SPIB: variants seen among roughly 807,000 people sequenced by gnomAD.
SPIB encodes the protein Spi-B transcription factor, also known as transcription factor Spi-B.
A neutral mutation model predicts 31.9 loss-of-function variants in SPIB; 7 were observed. The observed-to-expected ratio is 0.22, with a 90% CI of 0.12 to 0.41. SPIB has a LOEUF of 0.41. Ranked by LOEUF, SPIB falls within the 10% of genes least tolerant of loss-of-function variation. SPIB has a pLI of 1.00. For missense variants in SPIB, 327 were observed against 360.2 expected (o/e 0.91, Z 0.75); for synonymous variants, 176 against 158.9 (o/e 1.11, Z -0.81).
At chr19:50,419,167 C>T (rs916312623) in intron 1 of SPIB, among the ~76,000 whole-genome samples, 182 bp downstream of exon 1, 5 of 152,172 alleles carry the variant, frequency 3.3e-5, no homozygotes, top group African/African-American at 1.2e-4. Flanking sequence ...GACTCTCCAT[C>T]CCCCCAGTTC....
At chr19:50,424,845 G>C (rs1366914494) in intron 5 of SPIB, among the ~76,000 whole-genome samples, 1 of 151,348 alleles carries the variant, frequency 6.6e-6, no homozygotes, top group African/African-American at 2.4e-5. Context: ...TGTAATCCCA[G>C]CTACTCAGGA....
intron 2 of SPIB, 85 bp downstream of exon 2, chr19:50,420,058 C>A: frequency 8.4e-7 from 1 of 1,194,808 alleles, no homozygotes; most frequent in Non-Finnish European, 1.1e-6. Flanking sequence ...CCTCAGTTTC[C>A]CCTCCCACCT....
chr19:50,423,204 C>CAAAAAA (rs59236153), intron 4 of SPIB, 167 bp downstream of exon 4: 11 of 285,218 alleles, frequency 3.9e-5, no homozygotes, highest in Admixed American at 2.4e-4. Flanking sequence ...GACCCTGTCT[C>CAAAAAA]AAAAAAAAAA....
intron 5 of SPIB, among the ~76,000 whole-genome samples, chr19:50,424,651 T>G (rs1432510452): frequency 6.6e-6 from 1 of 151,966 alleles, no homozygotes; most frequent in African/African-American, 2.4e-5. Context: ...CGTGGTGGTG[T>G]GCACCTGTAG....
Position 50,427,949 on chromosome 19 carries a change from G to A in SPIB, c.491-89G>A, listed in dbSNP as rs752575800. 3.5e-4 allele frequency: 481 copies of A among 1,388,774 alleles called. 1 individual carries two copies. Among genetic ancestry groups the A allele is most frequent in the Middle Eastern group, 2.6e-3 (10 of 3,786 alleles). The allele number at this position is 1,388,774 out of a possible 1,614,324, so 86.0% of individuals were successfully genotyped here. A position where few individuals can be genotyped will look rare whatever the true frequency, so the allele number is the denominator to read the frequency against. ...CACTTTTCAGATCCAGGAGATGGAG[G>A]CCGGGGTGGAAGTCTCGGAGGAGGG... is the stretch of plus-strand genomic sequence containing the variant. On this transcript the variant is annotated intron_variant, in intron 5 of 5. Transcript: ENST00000595883.
rs551246670 is a variant in SPIB at position 50,427,545 on chromosome 19, G to A, written c.491-493G>A. Among the ~76,000 whole-genome samples the A allele has an allele frequency of 2.9e-3, 436 of 152,218 alleles. 2 individuals carry two copies. Among genetic ancestry groups the A allele is most frequent in the Non-Finnish European group, 5.2e-3 (354 of 67,998 alleles). On this transcript the variant is annotated intron_variant, in intron 5 of 5. Coordinates refer to ENST00000595883, the MANE Select transcript of SPIB (RefSeq NM_003121.5). ...GTCTCAAAAACAAACTAAACCCTAGGAGCCCAGGAGTCAGGTGCCCTGGCC... is the reference window on the plus strand; with the variant it reads ...GTCTCAAAAACAAACTAAACCCTAGAAGCCCAGGAGTCAGGTGCCCTGGCC...
At chr19:50,425,265 A>C in intron 5 of SPIB, among the ~76,000 whole-genome samples, 1 of 152,070 alleles carries the variant, frequency 6.6e-6, no homozygotes, top group East Asian at 2.0e-4. Context: ...TCGGCCTCAC[A>C]AAGTGCTGGG....
At position 50,423,503 on chromosome 19, in the gene SPIB, G is replaced by A. The variant is rs1457784738; in HGVS notation, c.340-102G>A. 2.7e-6 allele frequency: 4 copies of A among 1,486,916 alleles called. No individual in the cohort carries two copies. The East Asian group carries it at 9.1e-5, about 34-fold the overall frequency. The allele number at this position is 1,486,916 out of a possible 1,614,324, so 92.1% of individuals were successfully genotyped here. ...GGCCAAAATCTAGGCTGTCAACAAA[G>A]AGGGAGACCAGAGCCAGGAGGGCCA... On this transcript the variant is annotated intron_variant, in intron 4 of 5. Coordinates refer to ENST00000595883, the MANE Select transcript of SPIB (RefSeq NM_003121.5).
At chr19:50,426,182 CT>C (rs1286609739) in intron 5 of SPIB, among the ~76,000 whole-genome samples, 8 of 152,096 alleles carry the variant, frequency 5.3e-5, no homozygotes, top group Admixed American at 5.2e-4. Flanking sequence ...GCACTCCAGC[CT>C]GGGCAACAGA....
At chr19:50,422,738 C>A in intron 3 of SPIB, 85 bp from the exon 4 acceptor site, 1 of 1,104,538 alleles carries the variant, frequency 9.1e-7, no homozygotes, top group Non-Finnish European at 1.3e-6. Context: ...GCACAGCCTA[C>A]AATGGCCTCT....
chr19:50,422,475 C>T lies in SPIB; in HGVS notation c.54C>T (p.Tyr18=). ...TTCCCTCCTGCACCCCGTATCAGTA[C>T]CCAGATGGCGTCTTCTATGACCTGG... ...QLDGPHFSCL[Y]PDGVFYDLDS... Residue 18 remains tyrosine (Y), a splice_region_variant and synonymous_variant, in exon 3 of 6, where the codon TAC becomes TAT. Coordinates refer to ENST00000595883, the MANE Select transcript of SPIB (RefSeq NM_003121.5). 1 of 1,613,954 alleles carries T rather than the reference C, an allele frequency of 6.2e-7. No individual in the cohort carries two copies. The highest frequency in any genetic ancestry group is 8.5e-7 in the Non-Finnish European group (1 of 1,179,888).
chr19:50,419,990 G>C lies in SPIB; in HGVS notation c.51+17G>C, dbSNP rs2122539997. The C allele has an allele frequency of 2.1e-6, 3 of 1,460,216 alleles. No homozygotes were observed. Among genetic ancestry groups the C allele is most frequent in the Non-Finnish European group, 2.7e-6 (3 of 1,109,534 alleles). 90.5% of individuals were successfully genotyped at this position (1,460,216 alleles called of 1,614,324 possible). On this transcript the variant is annotated intron_variant, in intron 2 of 5. Coordinates refer to ENST00000595883, the MANE Select transcript of SPIB (RefSeq NM_003121.5). Reference sequence around the variant, plus strand: ...AGCTGTCTGGTGAGTTGGGGCCCCTGGGGGCCAGGGAGGGGTGGCCCACAG... The same window carrying C: ...AGCTGTCTGGTGAGTTGGGGCCCCTCGGGGCCAGGGAGGGGTGGCCCACAG...
rs1413657593 is a variant in SPIB, at chr19:50,423,097, T to C, written c.339+60T>C. On this transcript the variant is annotated intron_variant, in intron 4 of 5. Coordinates refer to ENST00000595883, the MANE Select transcript of SPIB (RefSeq NM_003121.5). The stretch of plus-strand genomic sequence containing the variant: ...AACCAGGTGTGGTGGTGCACGCCTG[T>C]AATCCCAGCTGCTTGAGAGGCTGAG... 3 of 821,346 alleles carry C rather than the reference T, an allele frequency of 3.7e-6. No homozygotes were observed. In the East Asian group the frequency reaches 7.7e-5, roughly 21 times the overall value. The allele number at this position is 821,346 out of a possible 1,614,324, so 50.9% of individuals were successfully genotyped here.
At chr19:50,423,203 T>TC (rs1555794630) in intron 4 of SPIB, 166 bp downstream of exon 4, 2 of 225,690 alleles carry the variant, frequency 8.9e-6, no homozygotes, top group Non-Finnish European at 1.6e-5. Context: ...AGACCCTGTC[T>TC]CAAAAAAAAA....
chr19:50,428,428 A>C lies in SPIB; in HGVS notation c.*92A>C. The C allele has an allele frequency of 7.4e-7, 1 of 1,351,364 alleles. No homozygotes were observed. The highest frequency in any genetic ancestry group is 1.5e-5 in the South Asian group (1 of 66,804). The allele number at this position is 1,351,364 out of a possible 1,614,324, so 83.7% of individuals were successfully genotyped here. On this transcript the variant is annotated 3_prime_UTR_variant, in exon 6 of 6. Coordinates refer to ENST00000595883, the MANE Select transcript of SPIB (RefSeq NM_003121.5). This position sits in a 1 kb window ranked among gnomAD's most constrained non-coding sequence, Gnocchi z 6.5. ...AAGAAAAAGGGCGTCCCCACACTCT[A>C]GGTGATAGGACTTACGCATCCCCAC... is the stretch of plus-strand genomic sequence containing the variant.
At chr19:50,425,537 C>G (rs1406339711) in intron 5 of SPIB, among the ~76,000 whole-genome samples, 1 of 151,766 alleles carries the variant, frequency 6.6e-6, no homozygotes, top group African/African-American at 2.4e-5. Context: ...AACTCCTGGG[C>G]TCAATCGATC....
At position 50,422,992 on chromosome 19, in the gene SPIB, G is replaced by C. The variant is rs147079328; in HGVS notation, c.294G>C (p.Pro98=). The change falls in exon 4 of 6, where the codon CCG becomes CCC. Residue 98 remains proline, a synonymous_variant. Transcript: ENST00000595883. ...NLELAPSLEA[P]GPGLPAYPTE... The stretch of plus-strand genomic sequence containing the variant: ...AACTGGCCCCCAGCCTGGAGGCCCC[G>C]GGGCCTGGCCTCCCTGCATACCCCA... 2 of 1,562,034 alleles carry C rather than the reference G, an allele frequency of 1.3e-6. No individual in the cohort carries two copies. The highest frequency in any genetic ancestry group is 2.3e-5 in the East Asian group (1 of 44,028).
At position 50,425,273 on chromosome 19, in the gene SPIB, G is replaced by T. The variant is rs559678063; in HGVS notation, c.490+1518G>T. ...GCCCGTCTCGGCCTCACAAAGTGCTGGGATTACAGGCGTGAGCCACTGTGC... is the reference window on the plus strand; with the variant it reads ...GCCCGTCTCGGCCTCACAAAGTGCTTGGATTACAGGCGTGAGCCACTGTGC... On this transcript the variant is annotated intron_variant, in intron 5 of 5. Coordinates refer to ENST00000595883, the MANE Select transcript of SPIB (RefSeq NM_003121.5). Among the ~76,000 whole-genome samples, 6 of 152,180 alleles carry T rather than the reference G, an allele frequency of 3.9e-5. No individual in the cohort carries two copies. The East Asian group carries it at 1.2e-3, about 30-fold the overall frequency.
At chr19:50,423,244 G>A (rs2039522902) in intron 4 of SPIB, 3 of 452,930 alleles carry the variant, frequency 6.6e-6, no homozygotes, top group Non-Finnish European at 1.2e-5. Flanking sequence ...GAAAACTCAA[G>A]CTCAGTCATT....
Sources: gnomAD v4.1 joint callset for allele counts (sites outside exome capture counted in the v4.1 genomes callset) on GRCh38, gnomAD v4.1.1 for gene constraint, Gnocchi (gnomAD v3.1) non-coding constraint, MANE v1.5 for transcripts, NCBI Gene and HGNC (gene_info 2026-07-23, HGNC 2026-07-21) for gene names.